Variants in MAST4 observed in about 807,000 individuals in gnomAD.
The protein encoded by MAST4 is microtubule associated serine/threonine kinase family member 4, also known as microtubule-associated serine/threonine-protein kinase 4.
MAST4 carries 89 observed loss-of-function variants against 162.7 expected under a neutral mutation model. That is an observed-to-expected ratio of 0.55 (90% confidence interval 0.46 to 0.65). The LOEUF is 0.65. Ranked by LOEUF, MAST4 falls within the 30% of genes least tolerant of loss-of-function variation. The pLI is 0.00. For missense variants in MAST4, 3,153 were observed against 3,374.0 expected, an observed-to-expected ratio of 0.93 and a Z score of 1.62; for synonymous variants, 1,479 against 1,361.1, an observed-to-expected ratio of 1.09 and a Z score of -1.91.
intron 1 of MAST4, among the ~76,000 whole-genome samples, chr5:66,656,312 A>G (rs536623177): frequency 6.6e-6 from 1 of 152,228 alleles, no homozygotes; most frequent in Non-Finnish European, 1.5e-5. Context: ...ATCTTCCATA[A>G]AATTTGCCTT....
At chr5:66,774,500 CA>C (rs1404054290) in intron 2 of MAST4, among the ~76,000 whole-genome samples, 3 of 152,188 alleles carry the variant, frequency 2.0e-5, no homozygotes, top group Non-Finnish European at 4.4e-5. Flanking sequence ...GATTCCATTC[CA>C]AACACCTTCA....
chr5:66,930,627 A>G (rs1489571587), intron 4 of MAST4: 3 of 438,948 alleles, frequency 6.8e-6, no homozygotes, highest in South Asian at 1.7e-5. Context: ...TTATGTCTCA[A>G]GGAATAAAAA....
chr5:66,997,648 G>C (rs1023704960), intron 4 of MAST4, among the ~76,000 whole-genome samples: 11 of 151,932 alleles, frequency 7.2e-5, no homozygotes, highest in Non-Finnish European at 1.3e-4. Context: ...GGCCAGGCTG[G>C]TTTTGAACTC....
chr5:66,918,117 G>A (rs1764239174), intron 4 of MAST4, among the ~76,000 whole-genome samples: 1 of 152,020 alleles, frequency 6.6e-6, no homozygotes, highest in South Asian at 2.1e-4. Flanking sequence ...TGTGATAATT[G>A]TACAATCATG....
At chr5:66,981,486 G>A (rs1392471662) in intron 4 of MAST4, among the ~76,000 whole-genome samples, 1 of 152,218 alleles carries the variant, frequency 6.6e-6, no homozygotes, top group Non-Finnish European at 1.5e-5. Context: ...TTACTGCGGT[G>A]ATGGAAGGAT....
At chr5:66,979,430 A>G (rs1748517093) in intron 4 of MAST4, among the ~76,000 whole-genome samples, 1 of 152,158 alleles carries the variant, frequency 6.6e-6, no homozygotes. Flanking sequence ...GCAACCTGCA[A>G]CTGAGATTTC....
intron 1 of MAST4, among the ~76,000 whole-genome samples, chr5:66,604,268 A>G (rs528072718): frequency 1.5e-3 from 232 of 152,296 alleles, no homozygotes; most frequent in Non-Finnish European, 3.0e-3. Flanking sequence ...AACTAGACAC[A>G]TGTCTGTGAG....
intron 2 of MAST4, among the ~76,000 whole-genome samples, chr5:66,786,269 C>G (rs954160874): frequency 1.3e-5 from 2 of 151,518 alleles, no homozygotes; most frequent in Non-Finnish European, 2.9e-5. Context: ...TAAATTCTCC[C>G]AAGTTTTTTT....
At chr5:66,957,914 GCTAC>G (rs1745519433) in intron 4 of MAST4, among the ~76,000 whole-genome samples, 1 of 152,198 alleles carries the variant, frequency 6.6e-6, no homozygotes, top group Admixed American at 6.5e-5. Context: ...AACCTGAACA[GCTAC>G]CTGTGGCATC....
chr5:67,067,048 T>TGAATGAA (rs1329362802), intron 5 of MAST4, among the ~76,000 whole-genome samples: 25 of 152,298 alleles, frequency 1.6e-4, no homozygotes, highest in African/African-American at 4.1e-4. Context: ...GTCAGTGAGA[T>TGAATGAA]GAATGAAGAA....
chr5:66,863,564 C>G (rs1760267558), intron 3 of MAST4, among the ~76,000 whole-genome samples: 1 of 152,160 alleles, frequency 6.6e-6, no homozygotes, highest in Admixed American at 6.5e-5. Context: ...TTTCCTCTCC[C>G]CATTTCTCAT....
At chr5:67,093,271 AAG>A (rs1347560311) in intron 6 of MAST4, among the ~76,000 whole-genome samples, 3 of 152,196 alleles carry the variant, frequency 2.0e-5, no homozygotes, top group Non-Finnish European at 4.4e-5. Context: ...CACAAGGAAA[AAG>A]ACTCTTTTCA....
intron 3 of MAST4, among the ~76,000 whole-genome samples, chr5:66,802,807 A>T (rs1242558165): frequency 6.6e-6 from 1 of 152,184 alleles, no homozygotes; most frequent in African/African-American, 2.4e-5. Flanking sequence ...CTCAAGAGTG[A>T]TATTCTCAGA....
At chr5:66,901,981 G>T (rs911102527) in intron 4 of MAST4, among the ~76,000 whole-genome samples, 50 of 152,012 alleles carry the variant, frequency 3.3e-4, no homozygotes, top group African/African-American at 1.2e-3. Context: ...ATGAAGAAAG[G>T]CACAAATATA....
intron 5 of MAST4, among the ~76,000 whole-genome samples, chr5:67,063,395 A>C (rs753310822): frequency 1.3e-5 from 2 of 152,142 alleles, no homozygotes; most frequent in African/African-American, 4.8e-5. Context: ...TGTGCCCTTC[A>C]TTTATCATTT....
chr5:67,008,892 G>C (rs953758208), intron 4 of MAST4, among the ~76,000 whole-genome samples: 1 of 152,154 alleles, frequency 6.6e-6, no homozygotes, highest in African/African-American at 2.4e-5. Context: ...CTTCCCTTCA[G>C]ATACATCTGT....
rs184871742 is a variant in MAST4, at chr5:67,105,411, C to T, written c.1356+836C>T. Reference sequence around the variant, plus strand: ...TTTTTGAGAACTCTATCTATCCTTGCCCCTGCAGAATTTAGCTGGCGAGAT... The same window carrying T: ...TTTTTGAGAACTCTATCTATCCTTGTCCCTGCAGAATTTAGCTGGCGAGAT... On this transcript the variant is annotated intron_variant, in intron 10 of 28. Coordinates refer to ENST00000403625, the MANE Select transcript of MAST4 (RefSeq NM_001164664.2). Among the ~76,000 whole-genome samples, 656 of 152,272 alleles carry T rather than the reference C, an allele frequency of 4.3e-3. 1 individual carries two copies. Among genetic ancestry groups the T allele is most frequent in the Middle Eastern group, 0.01 (3 of 294 alleles).
At chr5:67,005,553 A>G (rs1485348124) in intron 4 of MAST4, among the ~76,000 whole-genome samples, 5 of 151,668 alleles carry the variant, frequency 3.3e-5, no homozygotes, top group Admixed American at 2.0e-4. Context: ...ATTTCATACT[A>G]TCTGTGGAGA....
chr5:66,864,504 A>G (rs1157380697), intron 3 of MAST4, among the ~76,000 whole-genome samples: 1 of 152,136 alleles, frequency 6.6e-6, no homozygotes, highest in Non-Finnish European at 1.5e-5. Context: ...GGAAAGTGAC[A>G]TGGTTTGTCT....
Sources: gnomAD v4.1 joint callset for allele counts (sites outside exome capture counted in the v4.1 genomes callset) on GRCh38, gnomAD v4.1.1 for gene constraint, MANE v1.5 for transcripts, NCBI Gene and HGNC (gene_info 2026-07-23, HGNC 2026-07-21) for gene names.